RELN: variants seen among roughly 807,000 people sequenced by gnomAD.
RELN encodes the protein reelin.
Under a neutral mutation model 427.6 loss-of-function variants are expected in RELN, and 108 were observed. The ratio of observed to expected loss-of-function variants is 0.25; its 90% CI spans 0.22 to 0.30. RELN has a LOEUF of 0.30. RELN is among the 10% of genes least tolerant of loss of function. The pLI, the probability that RELN is intolerant of heterozygous loss-of-function variation, is 1.00. For missense variants in RELN, 3,715 were observed against 4,302.8 expected (o/e 0.86, Z 3.82); for synonymous variants, 1,524 against 1,513.4 (o/e 1.01, Z -0.16).
At chr7:103,878,938 C>T (rs145097248) in intron 2 of RELN, among the ~76,000 whole-genome samples, 38 of 152,278 alleles carry the variant, frequency 2.5e-4, no homozygotes, top group African/African-American at 8.7e-4. Flanking sequence ...AAACACTAGA[C>T]TTGGAGTGAA....
rs1832203395 is a variant in RELN at position 103,620,894 on chromosome 7, A to G, written c.2702+9046T>C. ...GAACATCACTTCCTTTTAGAACAGA[A>G]CACACTGGTTGATGTAGTCAGGCCT... On this transcript the variant is annotated intron_variant, in intron 20 of 64. Transcript: ENST00000428762. This position sits in a 1 kb window ranked among gnomAD's most constrained non-coding sequence, Gnocchi z 4.1. Among the ~76,000 whole-genome samples, 2 of 152,170 alleles carry G rather than the reference A, an allele frequency of 1.3e-5. No individual in the cohort carries two copies. The highest frequency in any genetic ancestry group is 4.1e-4 in the South Asian group (2 of 4,832).
chr7:103,558,400 C>G (rs574629992), intron 36 of RELN, among the ~76,000 whole-genome samples: 1 of 152,282 alleles, frequency 6.6e-6, no homozygotes, highest in Non-Finnish European at 1.5e-5. Context: ...AACGAGGAAG[C>G]AGATGGAAAA....
intron 7 of RELN, among the ~76,000 whole-genome samples, chr7:103,723,527 C>G (rs898736905): frequency 1.3e-5 from 2 of 152,160 alleles, no homozygotes; most frequent in Non-Finnish European, 2.9e-5. Flanking sequence ...TCCACCATCT[C>G]CCTTCCATCC....
chr7:103,980,342 T>G (rs138736758), intron 1 of RELN, among the ~76,000 whole-genome samples: 27 of 152,230 alleles, frequency 1.8e-4, no homozygotes, highest in African/African-American at 6.3e-4. Flanking sequence ...GGAGACAATG[T>G]CTGGTCAAAG....
chr7:103,665,873 T>A (rs1427636375), intron 11 of RELN, among the ~76,000 whole-genome samples: 1 of 144,622 alleles, frequency 6.9e-6, no homozygotes, highest in Non-Finnish European at 1.5e-5. Context: ...CTATTCTCCG[T>A]GTCTCTCACT....
rs547710976 is a variant in RELN at position 103,914,775 on chromosome 7, T to C, written c.337+2300A>G. 2.2e-3 allele frequency among the ~76,000 whole-genome samples: 331 copies of C among 152,180 alleles called. 1 individual carries two copies. Among genetic ancestry groups the C allele is most frequent in the African/African-American group, 7.5e-3 (313 of 41,520 alleles). On this transcript the variant is annotated intron_variant, in intron 2 of 64. Transcript: ENST00000428762. The stretch of plus-strand genomic sequence containing the variant: ...TCAATGTGACTCACAGCCTGAACTC[T>C]TATCCCCCCACATCTGGCTCCTTCT...
At chr7:103,975,088 G>A (rs543644925) in intron 1 of RELN, among the ~76,000 whole-genome samples, 2 of 152,140 alleles carry the variant, frequency 1.3e-5, no homozygotes, top group African/African-American at 4.8e-5. Flanking sequence ...GTAGAAACAC[G>A]GTTTTCAGAC....
rs1293806490 is a variant in RELN at position 103,569,550 on chromosome 7, T to C, written c.4588+2634A>G. On this transcript the variant is annotated intron_variant, in intron 31 of 64. Transcript: ENST00000428762. This position sits in a 1 kb window ranked among gnomAD's most constrained non-coding sequence, Gnocchi z 4.0. ...TAACAAGGCTCCCAAATGATTCAGG[T>C]GAACATTAAATTATAAGAAACATGG... Among the ~76,000 whole-genome samples the C allele has an allele frequency of 2.0e-5, 3 of 152,218 alleles. No homozygotes were observed. Among genetic ancestry groups the C allele is most frequent in the Non-Finnish European group, 4.4e-5 (3 of 68,038 alleles).
intron 2 of RELN, among the ~76,000 whole-genome samples, chr7:103,862,418 T>TCTAC (rs1338397570): frequency 7.1e-5 from 7 of 98,324 alleles, no homozygotes; most frequent in Non-Finnish European, 1.8e-4. Flanking sequence ...GTTCTATCTA[T>TCTAC]CTATCTATCT....
At position 103,495,330 on chromosome 7, in the gene RELN, T is replaced by A. The variant is rs552609897; in HGVS notation, c.9369+393A>T. ...ACTACCACGACTGGCTTTTTTATTT[T>A]ATTTATTTTTTTATAGAGACAAGGT... On this transcript the variant is annotated intron_variant, in intron 57 of 64. Coordinates refer to ENST00000428762, the MANE Select transcript of RELN (RefSeq NM_005045.4). Among the ~76,000 whole-genome samples the A allele has an allele frequency of 5.9e-5, 9 of 152,130 alleles. No homozygotes were observed. The South Asian group carries it at 8.3e-4, about 14-fold the overall frequency.
intron 3 of RELN, among the ~76,000 whole-genome samples, chr7:103,820,946 A>G (rs1792999190): frequency 6.6e-6 from 1 of 152,104 alleles, no homozygotes; most frequent in Non-Finnish European, 1.5e-5. Context: ...ACCTTTACAA[A>G]TGTTTTATTC....
chr7:103,883,245 G>T (rs1353647920), intron 2 of RELN, among the ~76,000 whole-genome samples: 1 of 152,110 alleles, frequency 6.6e-6, no homozygotes, highest in Admixed American at 6.5e-5. Flanking sequence ...ACCCCTTAAT[G>T]CTAAAAACAC....
At chr7:103,903,978 A>G (rs896607250) in intron 2 of RELN, among the ~76,000 whole-genome samples, 1 of 151,802 alleles carries the variant, frequency 6.6e-6, no homozygotes, top group South Asian at 2.1e-4. Context: ...TACATTAGCT[A>G]TTTGTCCTAA....
At chr7:103,677,765 C>CAAAAAAAAAAA (rs60678229) in intron 11 of RELN, among the ~76,000 whole-genome samples, 1 of 56,032 alleles carries the variant, frequency 1.8e-5, no homozygotes, top group Admixed American at 2.5e-4. Flanking sequence ...GAATCTGTCT[C>CAAAAAAAAAAA]AAAAAAAAAA....
At chr7:103,683,247 C>A (rs1481842103) in intron 10 of RELN, among the ~76,000 whole-genome samples, 3 of 152,104 alleles carry the variant, frequency 2.0e-5, no homozygotes, top group African/African-American at 7.2e-5. Context: ...AGGGCAAGGA[C>A]AATGTCCATT....
intron 1 of RELN, 29 bp from the exon 2 acceptor site, chr7:103,917,214 C>CT (rs1795503424): frequency 6.8e-7 from 1 of 1,473,036 alleles, no homozygotes. Context: ...AAAAAAAACT[C>CT]TCAATACAGT....
intron 2 of RELN, among the ~76,000 whole-genome samples, chr7:103,902,430 A>G (rs1795103472): frequency 6.6e-6 from 1 of 152,096 alleles, no homozygotes; most frequent in South Asian, 2.1e-4. Flanking sequence ...TATTTACAAG[A>G]GTTCAAGTGG....
intron 6 of RELN, among the ~76,000 whole-genome samples, chr7:103,738,845 G>C (rs1032465393): frequency 2.4e-4 from 37 of 151,990 alleles, no homozygotes; most frequent in African/African-American, 8.7e-4. Flanking sequence ...ATCATGCCCA[G>C]CTAATTTTTG....
At chr7:103,779,448 C>T (rs545981174) in intron 3 of RELN, among the ~76,000 whole-genome samples, 3 of 152,104 alleles carry the variant, frequency 2.0e-5, no homozygotes, top group Non-Finnish European at 4.4e-5. Flanking sequence ...CCCCTAGGCA[C>T]TGCTGTAGGG....
Sources: gnomAD v4.1 joint callset for allele counts (sites outside exome capture counted in the v4.1 genomes callset) on GRCh38, gnomAD v4.1.1 for gene constraint, Gnocchi (gnomAD v3.1) non-coding constraint, MANE v1.5 for transcripts, NCBI Gene and HGNC (gene_info 2026-07-23, HGNC 2026-07-21) for gene names.